The following WDR35 variants were observed in gnomAD, a reference collection of about 807,000 sequenced individuals.
WDR35 encodes WD repeat domain 35.
In WDR35, 118 loss-of-function variants were observed where a neutral mutation model predicts 158.3. That is an observed-to-expected ratio of 0.75 (90% confidence interval 0.64 to 0.87). The LOEUF is 0.87. WDR35 is among the 40% of genes least tolerant of loss of function. The pLI is 0.00. For missense variants in WDR35, 1,263 were observed against 1,405.8 expected (o/e 0.90, Z 1.62); for synonymous variants, 448 against 476.1 (o/e 0.94, Z 0.77).
intron 8 of WDR35, among the ~76,000 whole-genome samples, chr2:19,971,878 T>A (rs1277753296): frequency 6.6e-6 from 1 of 152,204 alleles, no homozygotes; most frequent in African/African-American, 2.4e-5. Flanking sequence ...AGGCATTTCC[T>A]CATTGTAATC....
In WDR35 at chr2:19,989,284, T is replaced by C. The variant is rs397515534; in HGVS notation, c.25-2A>G. On this transcript the variant is annotated splice_acceptor_variant, in intron 1 of 26. Transcript: ENST00000281405. LOFTEE classifies it high-confidence loss of function. ...CTTCACGTTATTGGGAATGGAAATC[T>C]GAAAAAGCAACCACAGCCGCACTAG... 2.3e-5 allele frequency: 37 copies of C among 1,613,798 alleles called. No individual in the cohort carries two copies. Among genetic ancestry groups the C allele is most frequent in the Non-Finnish European group, 3.1e-5 (36 of 1,179,778 alleles).
intron 12 of WDR35, among the ~76,000 whole-genome samples, 181 bp downstream of exon 12, chr2:19,953,653 C>T (rs1313197755): frequency 6.6e-6 from 1 of 152,144 alleles, no homozygotes; most frequent in African/African-American, 2.4e-5. Context: ...TTAAACCATT[C>T]TACTTCTCTT....
rs145536838 is a variant in WDR35, at chr2:19,989,264, C to G, written c.43G>C (p.Val15Leu). ...LSKKISIPNN[V>L]KLQCVSWNKE... is the part of the protein sequence containing the mutation. ...TTCCAGGATACACACTGCAGCTTCA[C>G]GTTATTGGGAATGGAAATCTGAAAA... Residue 15 changes from valine to leucine, a missense_variant, in exon 2 of 27, where the codon GTG becomes CTG. By Grantham distance (32) the Val-to-Leu change is conservative. Coordinates refer to ENST00000281405, the MANE Select transcript of WDR35 (RefSeq NM_020779.4). 156 of 1,614,168 alleles carry G rather than the reference C, an allele frequency of 9.7e-5. 2 individuals are homozygous for G. In the East Asian group the frequency reaches 3.5e-3, roughly 36 times the overall value.
At chr2:19,915,917 T>C (rs1247499809) in intron 25 of WDR35, among the ~76,000 whole-genome samples, 13 of 87,714 alleles carry the variant, frequency 1.5e-4, no homozygotes, top group Non-Finnish European at 5.0e-5. Context: ...CGAGACTCCA[T>C]CTAAAAAAAA....
At chr2:19,973,843 C>T in intron 7 of WDR35, 135 bp from the exon 8 acceptor site, 1 of 1,258,190 alleles carries the variant, frequency 7.9e-7, no homozygotes, top group Non-Finnish European at 1.1e-6. Context: ...TACAACGGCT[C>T]ACGCCTATAA....
rs566113578 is a variant in WDR35, at chr2:19,975,390, G to A, written c.570+140C>T. On this transcript the variant is annotated intron_variant, in intron 6 of 26. Transcript: ENST00000281405. ...TAATTAAAACAAAATTTAGACGATT[G>A]GGAAAAAGAAAAAAAATCTGAATTG... The A allele has an allele frequency of 5.4e-6, 6 of 1,111,992 alleles. No homozygotes were observed. The South Asian group carries it at 8.1e-5, about 15-fold the overall frequency. The allele number at this position is 1,111,992 out of a possible 1,614,324, so 68.9% of individuals were successfully genotyped here. A position where few individuals can be genotyped will look rare whatever the true frequency, so the allele number is the denominator to read the frequency against.
intron 19 of WDR35, 39 bp from the exon 20 acceptor site, chr2:19,936,404 G>A: frequency 6.2e-7 from 1 of 1,613,296 alleles, no homozygotes; most frequent in East Asian, 2.2e-5. Flanking sequence ...TCATCTATTT[G>A]ACAAATATTT....
chr2:19,945,240 T>C (rs1386315320), intron 16 of WDR35, among the ~76,000 whole-genome samples: 1 of 152,024 alleles, frequency 6.6e-6, no homozygotes, highest in African/African-American at 2.4e-5. Context: ...GACTTCCTCA[T>C]ACCCAAAAGA....
intron 5 of WDR35, among the ~76,000 whole-genome samples, chr2:19,975,886 CT>C (rs1277897498): frequency 6.6e-6 from 1 of 152,198 alleles, no homozygotes; most frequent in Admixed American, 6.5e-5. Flanking sequence ...AACTCTGATG[CT>C]GGATCTCACT....
intron 8 of WDR35, among the ~76,000 whole-genome samples, chr2:19,971,970 CTT>C (rs1672048822): frequency 6.6e-6 from 1 of 152,172 alleles, no homozygotes; most frequent in African/African-American, 2.4e-5. Context: ...GGCTAAATAA[CTT>C]CTCTACGTCA....
intron 3 of WDR35, among the ~76,000 whole-genome samples, chr2:19,981,048 T>C (rs985355819): frequency 6.6e-6 from 1 of 152,336 alleles, no homozygotes; most frequent in South Asian, 2.1e-4. Context: ...AACTACCATA[T>C]ACCTGATGAC....
chr2:19,913,523 A>G lies in WDR35; in HGVS notation c.*35T>C, dbSNP rs1341232623. 2 of 1,613,236 alleles carry G rather than the reference A, an allele frequency of 1.2e-6. No homozygotes were observed. Among genetic ancestry groups the G allele is most frequent in the East Asian group, 2.2e-5 (1 of 44,856 alleles). On this transcript the variant is annotated 3_prime_UTR_variant, in exon 27 of 27. Coordinates refer to ENST00000281405, the MANE Select transcript of WDR35 (RefSeq NM_020779.4). Reference sequence around the variant, plus strand: ...GCATATAGCCATGTATATATGCTACATATATTTTACAGTTATATACAGTTT... The same window carrying G: ...GCATATAGCCATGTATATATGCTACGTATATTTTACAGTTATATACAGTTT...
In WDR35 at chr2:19,934,024, A is replaced by AAGAACC. The variant is rs1670609564; in HGVS notation, c.2548-514_2548-513insGGTTCT. ...TTGGAAAGTGGTGGCAGCGAGGAAGAACCACCACCACCACCACCACCACCA... is the reference window on the plus strand; with the variant it reads ...TTGGAAAGTGGTGGCAGCGAGGAAGAAGAACCACCACCACCACCACCACCACCACCA... On this transcript the variant is annotated intron_variant, in intron 21 of 26. Coordinates refer to ENST00000281405, the MANE Select transcript of WDR35 (RefSeq NM_020779.4). The surrounding 1 kb of genome is among the most constrained non-coding windows in gnomAD (Gnocchi z 4.6). Among the ~76,000 whole-genome samples, 1 of 105,072 alleles carries AAGAACC rather than the reference A, an allele frequency of 9.5e-6. No homozygotes were observed. The highest frequency in any genetic ancestry group is 1.8e-5 in the Non-Finnish European group (1 of 54,102). 68.9% of individuals were successfully genotyped at this position (105,072 alleles called of 152,430 possible). A position where few individuals can be genotyped will look rare whatever the true frequency, so the allele number is the denominator to read the frequency against.
chr2:19,936,421 A>T, intron 19 of WDR35, 56 bp from the exon 20 acceptor site: 2 of 1,611,732 alleles, frequency 1.2e-6, no homozygotes, highest in Non-Finnish European at 1.7e-6. Context: ...ATTTACCAAG[A>T]GCCTGCTGTG....
At chr2:19,953,789 T>C (rs1671326001) in intron 12 of WDR35, 45 bp downstream of exon 12, 6 of 1,612,634 alleles carry the variant, frequency 3.7e-6, no homozygotes, top group African/African-American at 1.3e-5. Context: ...CTGACTTCAA[T>C]GTGATATGGT....
chr2:19,928,635 T>C (rs1410812904), intron 25 of WDR35, among the ~76,000 whole-genome samples: 1 of 152,124 alleles, frequency 6.6e-6, no homozygotes, highest in Admixed American at 6.5e-5. Context: ...GCATGATTCC[T>C]AAGAGAAAAA....
At chr2:19,939,868 G>C (rs988223152) in intron 17 of WDR35, among the ~76,000 whole-genome samples, 2 of 151,716 alleles carry the variant, frequency 1.3e-5, no homozygotes, top group Non-Finnish European at 2.9e-5. Flanking sequence ...GATTCAAGAA[G>C]CTCACTCTTT....
chr2:19,956,660 G>A (rs940324225), intron 11 of WDR35, among the ~76,000 whole-genome samples: 12 of 134,900 alleles, frequency 8.9e-5, no homozygotes, highest in South Asian at 2.3e-4. Flanking sequence ...TCGCTCTGTC[G>A]CCCAGGCTGG....
intron 19 of WDR35, among the ~76,000 whole-genome samples, chr2:19,937,154 G>A (rs1485685649): frequency 1.3e-5 from 2 of 152,174 alleles, no homozygotes; most frequent in Non-Finnish European, 1.5e-5. Context: ...CAGCTGAAAT[G>A]AAGTTCAGAC....
Sources: gnomAD v4.1 joint callset for allele counts (sites outside exome capture counted in the v4.1 genomes callset) on GRCh38, gnomAD v4.1.1 for gene constraint, Gnocchi (gnomAD v3.1) non-coding constraint, MANE v1.5 for transcripts, NCBI Gene and HGNC (gene_info 2026-07-23, HGNC 2026-07-21) for gene names.